The following NCKAP5 variants were observed in gnomAD, a reference collection of about 807,000 sequenced individuals.
The protein encoded by NCKAP5 is nck-associated protein 5.
Under a neutral mutation model 167.0 loss-of-function variants are expected in NCKAP5, and 92 were observed. The observed-to-expected ratio is 0.55, with a 90% CI of 0.47 to 0.66. The LOEUF (loss-of-function observed/expected upper bound fraction) is 0.66, where lower values mean the gene tolerates loss of function less well. Among genes scored for constraint, NCKAP5 ranks in the 30% least tolerant of loss-of-function variants. The pLI, the probability that NCKAP5 is intolerant of heterozygous loss-of-function variation, is 0.00. For missense variants in NCKAP5, 2,378 were observed against 2,315.0 expected (o/e 1.03, Z -0.56); for synonymous variants, 891 against 877.4 (o/e 1.02, Z -0.27).
intron 8 of NCKAP5, among the ~76,000 whole-genome samples, chr2:132,936,131 G>A (rs983561216): frequency 2.6e-5 from 4 of 151,890 alleles, no homozygotes; most frequent in South Asian, 4.2e-4. Flanking sequence ...ACAGGCGCTC[G>A]CCACCATGCC....
chr2:133,366,929 G>T (rs916612242), intron 3 of NCKAP5, among the ~76,000 whole-genome samples: 1 of 152,040 alleles, frequency 6.6e-6, no homozygotes, highest in Non-Finnish European at 1.5e-5. Flanking sequence ...ATGAAATTAC[G>T]TTCACCACAG....
intron 8 of NCKAP5, among the ~76,000 whole-genome samples, chr2:132,906,880 A>G (rs1574587824): frequency 6.6e-6 from 1 of 152,216 alleles, no homozygotes; most frequent in East Asian, 1.9e-4. Flanking sequence ...CAATTCTCCA[A>G]ATATTTAAAA....
chr2:133,095,350 C>G (rs2081312791), intron 6 of NCKAP5, among the ~76,000 whole-genome samples: 1 of 152,196 alleles, frequency 6.6e-6, no homozygotes, highest in Non-Finnish European at 1.5e-5. Context: ...CTGTGCAAAC[C>G]AGCTCCTTCT....
chr2:133,363,279 C>G (rs1275366989), intron 3 of NCKAP5, among the ~76,000 whole-genome samples: 1 of 152,154 alleles, frequency 6.6e-6, no homozygotes. Context: ...ATCTAACCCA[C>G]TGCCCATTTT....
Position 133,213,779 on chromosome 2 carries a change from C to T in NCKAP5, c.144G>A (p.Arg48=). The change falls in exon 5 of 20, where the codon AGG becomes AGA. Residue 48 remains arginine, a splice_region_variant and synonymous_variant. Coordinates refer to ENST00000409261, the MANE Select transcript of NCKAP5 (RefSeq NM_207363.3). The part of the protein sequence containing the change: ...QLEEQHRSLW[R]EKLAVARLQR... ...GTAGTCGGGCCACTGCCAACTTCTC[C>T]CTGAAGAAACAAAAACACATGATTA... is the stretch of plus-strand genomic sequence containing the variant. 1 of 1,613,706 alleles carries T rather than the reference C, an allele frequency of 6.2e-7. No individual in the cohort carries two copies. Among genetic ancestry groups the T allele is most frequent in the South Asian group, 1.1e-5 (1 of 91,056 alleles).
intron 19 of NCKAP5, among the ~76,000 whole-genome samples, chr2:132,680,231 G>A (rs1035092617): frequency 3.3e-5 from 5 of 152,036 alleles, no homozygotes; most frequent in African/African-American, 7.2e-5. Flanking sequence ...TTAAAGTGAC[G>A]CATTGGTAAT....
chr2:133,250,425 G>A (rs772380009), intron 4 of NCKAP5, among the ~76,000 whole-genome samples: 1 of 151,974 alleles, frequency 6.6e-6, no homozygotes, highest in Non-Finnish European at 1.5e-5. Flanking sequence ...ATGCAGGTGT[G>A]GTTCCTCTGC....
chr2:132,978,666 C>G (rs2077045695), intron 7 of NCKAP5, among the ~76,000 whole-genome samples: 2 of 152,176 alleles, frequency 1.3e-5, no homozygotes, highest in Admixed American at 6.5e-5. Flanking sequence ...AGAAACCAGA[C>G]AGAAGCTGGC....
intron 3 of NCKAP5, among the ~76,000 whole-genome samples, chr2:133,461,281 T>C (rs1692185976): frequency 6.6e-6 from 1 of 152,236 alleles, no homozygotes; most frequent in African/African-American, 2.4e-5. Context: ...ATGAGTTATA[T>C]AAGTTAAATG....
intron 5 of NCKAP5, among the ~76,000 whole-genome samples, chr2:133,204,374 C>T (rs1213787919): frequency 1.3e-5 from 2 of 152,092 alleles, no homozygotes; most frequent in African/African-American, 2.4e-5. Context: ...TGAAGACTCC[C>T]CCCCATCAGA....
the NCKAP5 span, among the ~76,000 whole-genome samples, chr2:133,601,627 G>A: frequency 6.6e-6 from 1 of 152,302 alleles, no homozygotes; most frequent in Admixed American, 6.5e-5. Flanking sequence ...CAGCTACTCA[G>A]GAGGCTGAAG....
chr2:133,018,152 T>G (rs1328132772), intron 6 of NCKAP5, among the ~76,000 whole-genome samples: 1 of 152,184 alleles, frequency 6.6e-6, no homozygotes, highest in Non-Finnish European at 1.5e-5. Flanking sequence ...CTGGGGTGCC[T>G]ATTCTGTCTA....
chr2:133,020,752 G>A (rs569644118), intron 6 of NCKAP5, among the ~76,000 whole-genome samples: 4 of 152,296 alleles, frequency 2.6e-5, no homozygotes, highest in African/African-American at 7.2e-5. Context: ...GGAGGAAGGC[G>A]GCTGTGGTAA....
At chr2:133,563,575 A>T (rs1325784381) in intron 1 of NCKAP5, among the ~76,000 whole-genome samples, 1 of 148,122 alleles carries the variant, frequency 6.8e-6, no homozygotes, top group African/African-American at 2.5e-5. Flanking sequence ...AAAAAAAAAA[A>T]AAAAAAAAAA....
chr2:132,757,423 C>T (rs1680643084), intron 16 of NCKAP5, among the ~76,000 whole-genome samples: 1 of 152,206 alleles, frequency 6.6e-6, no homozygotes, highest in Non-Finnish European at 1.5e-5. Context: ...AACAGATTAA[C>T]TGGAAACATA....
At chr2:133,011,204 T>C (rs1437896) in intron 6 of NCKAP5, among the ~76,000 whole-genome samples, 56,543 of 152,044 alleles carry the variant, frequency 0.37, 10,923 homozygotes, top group Middle Eastern at 0.47. Context: ...TTGTAAGTTT[T>C]TCCCCCCATC....
At chr2:133,636,038 G>A in the NCKAP5 span, among the ~76,000 whole-genome samples, 3 of 152,236 alleles carry the variant, frequency 2.0e-5, no homozygotes, top group African/African-American at 4.8e-5. Context: ...GGTGACTGAA[G>A]CAGAAGGTAC....
intron 8 of NCKAP5, among the ~76,000 whole-genome samples, chr2:132,937,445 A>G (rs16843895): frequency 0.017 from 2,537 of 152,332 alleles, 88 homozygotes; most frequent in East Asian, 0.16. Context: ...TTACTGGGAA[A>G]GGAGATTTGA....
intron 6 of NCKAP5, among the ~76,000 whole-genome samples, chr2:133,109,009 T>C (rs940832499): frequency 2.0e-5 from 3 of 152,218 alleles, no homozygotes; most frequent in Non-Finnish European, 2.9e-5. Context: ...ATATGCTCTA[T>C]ACTCTTTCTC....
Sources: gnomAD v4.1 joint callset for allele counts (sites outside exome capture counted in the v4.1 genomes callset) on GRCh38, gnomAD v4.1.1 for gene constraint, MANE v1.5 for transcripts, NCBI Gene and HGNC (gene_info 2026-07-23, HGNC 2026-07-21) for gene names.